The following C1orf21 variants were observed in gnomAD, a reference collection of about 807,000 sequenced individuals.
C1orf21 encodes uncharacterized protein C1orf21.
In C1orf21, 3 loss-of-function variants were observed where a neutral mutation model predicts 18.7. The ratio of observed to expected loss-of-function variants is 0.16; its 90% CI spans 0.07 to 0.42. The LOEUF is 0.42. C1orf21 is among the 10% of genes least tolerant of loss of function. The pLI is 0.99. For missense variants in C1orf21, 104 were observed against 143.6 expected (o/e 0.72, Z 1.41); for synonymous variants, 41 against 46.4 (o/e 0.88, Z 0.47).
chr1:184,408,287 A>C (rs187309900), intron 1 of C1orf21: 10 of 152,354 alleles, frequency 6.6e-5, no homozygotes, highest in Non-Finnish European at 1.5e-4. Context: ...TGTTGTGTTA[A>C]TATTGTTACA....
chr1:184,446,627 G>C (rs190257171), intron 1 of C1orf21, among the ~76,000 whole-genome samples: 116 of 151,986 alleles, frequency 7.6e-4, no homozygotes, highest in Middle Eastern at 6.8e-3. Context: ...ACAGACAGAC[G>C]TGTAATGGAT....
intron 1 of C1orf21, among the ~76,000 whole-genome samples, chr1:184,390,441 A>G (rs1348424378): frequency 6.6e-6 from 1 of 152,188 alleles, no homozygotes; most frequent in African/African-American, 2.4e-5. Context: ...GTTTACATGA[A>G]AATAATTTGT....
chr1:184,536,469 G>A (rs1658555022), intron 3 of C1orf21, among the ~76,000 whole-genome samples: 1 of 152,134 alleles, frequency 6.6e-6, no homozygotes, highest in Non-Finnish European at 1.5e-5. Context: ...GTGACACGTG[G>A]CCTTCACTCA....
At chr1:184,447,503 C>A (rs2207522) in intron 1 of C1orf21, among the ~76,000 whole-genome samples, 39,065 of 152,052 alleles carry the variant, frequency 0.26, 6,669 homozygotes, top group African/African-American at 0.49. Context: ...TACTCTTTAT[C>A]TCCACCTAAC....
chr1:184,540,118 G>C (rs1658624839), intron 3 of C1orf21: 1 of 152,144 alleles, frequency 6.6e-6, no homozygotes, highest in African/African-American at 2.4e-5. Context: ...CTTAGTTTTT[G>C]AAAGTGAAGT....
chr1:184,397,457 G>A (rs1468950458), intron 1 of C1orf21, among the ~76,000 whole-genome samples: 1 of 152,102 alleles, frequency 6.6e-6, no homozygotes, highest in Non-Finnish European at 1.5e-5. Flanking sequence ...GTGGTGGCGG[G>A]CGCCTGTAGT....
chr1:184,422,835 C>T (rs568101085), intron 1 of C1orf21, among the ~76,000 whole-genome samples: 6 of 152,332 alleles, frequency 3.9e-5, no homozygotes, highest in African/African-American at 9.6e-5. Context: ...GGTCACTCTA[C>T]GTACAGAACT....
intron 1 of C1orf21, among the ~76,000 whole-genome samples, chr1:184,405,217 T>A (rs7512266): frequency 0.29 from 43,878 of 151,728 alleles, 9,608 homozygotes; most frequent in African/African-American, 0.62. Flanking sequence ...TCTTTTTGAG[T>A]CAGGGTCTTG....
intron 1 of C1orf21, among the ~76,000 whole-genome samples, chr1:184,460,806 C>G (rs940712863): frequency 3.3e-5 from 5 of 150,866 alleles, no homozygotes; most frequent in Admixed American, 2.0e-4. Flanking sequence ...CTTGGCCTCC[C>G]TAGTATCTTC....
At chr1:184,445,251 G>A (rs957479627) in intron 1 of C1orf21, among the ~76,000 whole-genome samples, 2 of 152,228 alleles carry the variant, frequency 1.3e-5, no homozygotes, top group Admixed American at 6.5e-5. Context: ...CCTCACAGAT[G>A]TGTTTATAAA....
intron 2 of C1orf21, among the ~76,000 whole-genome samples, chr1:184,502,831 A>G (rs2038307): frequency 0.51 from 77,905 of 151,754 alleles, 20,416 homozygotes; most frequent in African/African-American, 0.64. Flanking sequence ...TAATTCCAAC[A>G]CTTTGGGAGT....
At chr1:184,435,285 G>C (rs1318603400) in intron 1 of C1orf21, among the ~76,000 whole-genome samples, 1 of 152,158 alleles carries the variant, frequency 6.6e-6, no homozygotes, top group Non-Finnish European at 1.5e-5. Context: ...TCAGGGATAT[G>C]GTTCAGGATG....
chr1:184,400,385 G>A (rs60650088), intron 1 of C1orf21, among the ~76,000 whole-genome samples: 10,937 of 151,998 alleles, frequency 0.072, 523 homozygotes, highest in African/African-American at 0.14. Flanking sequence ...TGTCCACTCA[G>A]ATATATATGT....
chr1:184,529,988 CT>C (rs1027874947), intron 3 of C1orf21, among the ~76,000 whole-genome samples: 3 of 152,162 alleles, frequency 2.0e-5, no homozygotes, highest in African/African-American at 7.2e-5. Context: ...TTTACCATAT[CT>C]TACTTTTACA....
intron 1 of C1orf21, among the ~76,000 whole-genome samples, chr1:184,400,023 T>G (rs1656124117): frequency 6.6e-6 from 1 of 152,192 alleles, no homozygotes; most frequent in Admixed American, 6.5e-5. Flanking sequence ...CAAGATTTTT[T>G]TTTTTTAGTA....
intron 1 of C1orf21, among the ~76,000 whole-genome samples, chr1:184,431,104 C>G (rs1377328560): frequency 6.6e-6 from 1 of 152,056 alleles, no homozygotes; most frequent in Admixed American, 6.5e-5. Flanking sequence ...TATAGGAATG[C>G]TTGTGATTTT....
chr1:184,541,793 T>A (rs1658655705), intron 3 of C1orf21, among the ~76,000 whole-genome samples: 1 of 152,170 alleles, frequency 6.6e-6, no homozygotes, highest in Admixed American at 6.5e-5. Flanking sequence ...CGAATGTGTT[T>A]TCATTTAATA....
At chr1:184,398,026 A>AG (rs1233322913) in intron 1 of C1orf21, among the ~76,000 whole-genome samples, 1 of 152,136 alleles carries the variant, frequency 6.6e-6, no homozygotes, top group East Asian at 1.9e-4. Context: ...GACTCCACTG[A>AG]GAGGGTCAAG....
chr1:184,601,837 G>A (rs1659589136), intron 5 of C1orf21, among the ~76,000 whole-genome samples: 1 of 151,918 alleles, frequency 6.6e-6, no homozygotes, highest in African/African-American at 2.4e-5. Flanking sequence ...GGAGGTGGAA[G>A]TTGCAGTGAG....
Sources: allele counts gnomAD v4.1 joint callset (sites outside exome capture counted in the v4.1 genomes callset), GRCh38; gene constraint gnomAD v4.1.1; transcripts MANE v1.5; gene names NCBI Gene and HGNC (gene_info 2026-07-23, HGNC 2026-07-21).